NELFA: variants seen among roughly 807,000 people sequenced by gnomAD.
The protein encoded by NELFA is negative elongation factor A.
Under a neutral mutation model 51.8 loss-of-function variants are expected in NELFA, and 35 were observed. The observed-to-expected ratio is 0.68, with a 90% CI of 0.52 to 0.90. The LOEUF (loss-of-function observed/expected upper bound fraction) is 0.90, where lower values mean the gene tolerates loss of function less well. Ranked by LOEUF, NELFA falls within the 40% of genes least tolerant of loss-of-function variation. NELFA has a pLI of 0.00. For missense variants in NELFA, 658 were observed against 746.4 expected (o/e 0.88, Z 1.38); for synonymous variants, 417 against 338.4 (o/e 1.23, Z -2.55).
At chr4:1,990,260 G>A (rs1048524056) in intron 2 of NELFA, among the ~76,000 whole-genome samples, 3 of 152,080 alleles carry the variant, frequency 2.0e-5, no homozygotes, top group Non-Finnish European at 4.4e-5. Context: ...TCCCGTCCCC[G>A]AGGGTAGCCA....
intron 1 of NELFA, among the ~76,000 whole-genome samples, chr4:2,002,744 A>G (rs1338437632): frequency 6.6e-6 from 1 of 152,268 alleles, no homozygotes; most frequent in Non-Finnish European, 1.5e-5. Flanking sequence ...AAGATGCATT[A>G]AAAACTTAAA....
At chr4:1,994,848 CA>C (rs35875576) in intron 1 of NELFA, among the ~76,000 whole-genome samples, 15,240 of 81,824 alleles carry the variant, frequency 0.19, 871 homozygotes, top group Admixed American at 0.25. Flanking sequence ...GACTCCGTCT[CA>C]AAAAAAAAAA....
chr4:1,994,806 G>A (rs2109062142), intron 1 of NELFA, among the ~76,000 whole-genome samples: 1 of 148,022 alleles, frequency 6.8e-6, no homozygotes, highest in East Asian at 2.0e-4. Context: ...AGTGAGCCGA[G>A]ATTGCGTGCC....
In NELFA at chr4:1,983,231, A is replaced by T; in HGVS notation, c.*88T>A. 1 of 1,394,534 alleles carries T rather than the reference A, an allele frequency of 7.2e-7. No individual in the cohort carries two copies. The highest frequency in any genetic ancestry group is 2.4e-5 in the East Asian group (1 of 42,414). The allele number at this position is 1,394,534 out of a possible 1,614,324, so 86.4% of individuals were successfully genotyped here. On this transcript the variant is annotated 3_prime_UTR_variant, in exon 11 of 11. Coordinates refer to ENST00000382882, the MANE Select transcript of NELFA (RefSeq NM_005663.5). Reference sequence around the variant, plus strand: ...CGGCGGCCGGGGGACCTCGGGGGCCAGGTGTCCGCCATCCGGTTACTTTAA... The same window carrying T: ...CGGCGGCCGGGGGACCTCGGGGGCCTGGTGTCCGCCATCCGGTTACTTTAA...
At chr4:2,000,114 G>A (rs1450698596) in intron 1 of NELFA, among the ~76,000 whole-genome samples, 2 of 152,126 alleles carry the variant, frequency 1.3e-5, no homozygotes, top group African/African-American at 4.8e-5. Flanking sequence ...CTGGGACACA[G>A]CTAAAGCAGT....
chr4:2,008,274 C>T (rs575245553), intron 1 of NELFA, among the ~76,000 whole-genome samples: 47 of 146,164 alleles, frequency 3.2e-4, no homozygotes, highest in African/African-American at 1.0e-3. Flanking sequence ...TGGTGAGGAC[C>T]GAAGGCGGGG....
chr4:1,990,188 C>T (rs1430682351), intron 2 of NELFA: 2 of 426,488 alleles, frequency 4.7e-6, no homozygotes, highest in Non-Finnish European at 8.8e-6. Flanking sequence ...ACTTGTAGAA[C>T]ATGAAATGTT....
chr4:2,008,474 G>A (rs912601979), intron 1 of NELFA, among the ~76,000 whole-genome samples: 17 of 150,366 alleles, frequency 1.1e-4, no homozygotes, highest in African/African-American at 4.2e-4. Context: ...AGGGGGCGAG[G>A]AGGGGCGGGG....
At chr4:2,003,204 T>C (rs231193) in intron 1 of NELFA, among the ~76,000 whole-genome samples, 48,089 of 151,902 alleles carry the variant, frequency 0.32, 8,021 homozygotes, top group African/African-American at 0.42. Flanking sequence ...GTCAGAAGGG[T>C]GATTACTAAA....
rs1420161239 is a variant in NELFA, at chr4:1,983,880, G to A, written c.1270C>T (p.Gln424Ter). 1 of 1,590,170 alleles carries A rather than the reference G, an allele frequency of 6.3e-7. No individual in the cohort carries two copies. ...MVAPQTQAPA[Q>*]QQPKKNLSLT... ...GACAGGTTCTTCTTAGGCTGCTGCT[G>A]AGCAGGGGCCTGGGTCTGCGGGGCC... Residue 424 changes from glutamine to a stop codon, truncating the protein, a stop_gained, in exon 9 of 11, where the codon CAG becomes TAG. Coordinates refer to ENST00000382882, the MANE Select transcript of NELFA (RefSeq NM_005663.5). LOFTEE classifies it high-confidence loss of function.
At chr4:2,004,172 AAAAG>A (rs1402488634) in intron 1 of NELFA, 1 of 152,162 alleles carries the variant, frequency 6.6e-6, no homozygotes, top group Non-Finnish European at 1.5e-5. Context: ...AAAAGAAAAA[AAAAG>A]AAGAAGAAGA....
chr4:1,991,629 G>A lies in NELFA; in HGVS notation c.297C>T (p.Ser99=), dbSNP rs1728271462. The stretch of plus-strand genomic sequence containing the variant: ...GGTTAAGCGAGCCTGTGTCCGGAAA[G>A]GACTTCAAGATGTCGGCGACCATGA... ...WVLMVADILK[S]FPDTGSLNLE... Residue 99 remains serine, a synonymous_variant, in exon 2 of 11, where the codon TCC becomes TCT. Transcript: ENST00000382882. 2.5e-6 allele frequency: 4 copies of A among 1,613,962 alleles called. No individual in the cohort carries two copies. The highest frequency in any genetic ancestry group is 3.4e-6 in the Non-Finnish European group (4 of 1,179,984).
At chr4:2,006,768 CAAAAAAAAA>C (rs57055347) in intron 1 of NELFA, among the ~76,000 whole-genome samples, 9 of 79,756 alleles carry the variant, frequency 1.1e-4, no homozygotes, top group African/African-American at 4.6e-4. Context: ...GACGCTGTCT[CAAAAAAAAA>C]AAAAAAAAAA....
chr4:2,000,493 C>T (rs895911806), intron 1 of NELFA, among the ~76,000 whole-genome samples: 18 of 152,214 alleles, frequency 1.2e-4, no homozygotes, highest in Admixed American at 5.2e-4. Context: ...CACAGAAATA[C>T]AAACTACCAT....
In NELFA at chr4:1,984,908, G is replaced by A. The variant is rs1238737005; in HGVS notation, c.936C>T (p.Ser312=). The A allele has an allele frequency of 1.3e-6, 2 of 1,573,278 alleles. No homozygotes were observed. The highest frequency in any genetic ancestry group is 1.7e-6 in the Non-Finnish European group (2 of 1,158,354). Residue 312 remains serine, a synonymous_variant, in exon 8 of 11, where the codon TCC becomes TCT. Coordinates refer to ENST00000382882, the MANE Select transcript of NELFA (RefSeq NM_005663.5). ...AGLVSTQKLG[S]LNNEPALPST... ...AGGGCAGCGCAGGCTCATTGTTCAGGGACCCAAGTTTCTGGAACACAGAGT... is the reference window on the plus strand; with the variant it reads ...AGGGCAGCGCAGGCTCATTGTTCAGAGACCCAAGTTTCTGGAACACAGAGT...
intron 1 of NELFA, among the ~76,000 whole-genome samples, chr4:2,006,056 T>C (rs768579190): frequency 4.6e-5 from 7 of 152,132 alleles, no homozygotes; most frequent in Admixed American, 6.5e-5. Context: ...CGGAGAAAGA[T>C]ACAGTGGGAG....
In NELFA at chr4:1,984,866, G is replaced by A. The variant is rs144419708; in HGVS notation, c.978C>T (p.Pro326=). 3.2e-6 allele frequency: 5 copies of A among 1,581,676 alleles called. No individual in the cohort carries two copies. In the African/African-American group the frequency reaches 5.4e-5, roughly 17 times the overall value. The change falls in exon 8 of 11, where the codon CCC becomes CCT. Residue 326 remains proline, a synonymous_variant. Coordinates refer to ENST00000382882, the MANE Select transcript of NELFA (RefSeq NM_005663.5). Reference sequence around the variant, plus strand: ...AGGCGGGAACCACGCTGGGCGTGGAGGGAAGGTAGCTCGTGGAGGGCAGCG... The same window carrying A: ...AGGCGGGAACCACGCTGGGCGTGGAAGGAAGGTAGCTCGTGGAGGGCAGCG... The part of the protein sequence containing the change: ...EPALPSTSYL[P]STPSVVPASS...
Position 1,982,763 on chromosome 4 carries a change from TACAA to T in NELFA, c.*552_*555del, listed in dbSNP as rs1727923118. 1 of 152,148 alleles carries T rather than the reference TACAA, an allele frequency of 6.6e-6. No individual in the cohort carries two copies. The highest frequency in any genetic ancestry group is 1.5e-5 in the Non-Finnish European group (1 of 67,890). 9.4% of individuals were successfully genotyped at this position (152,148 alleles called of 1,614,324 possible). The stretch of plus-strand genomic sequence containing the variant: ...TCGACTTTAATGGTTCAGATAGTTT[TACAA>T]TGAAAATAGGTACCCAAAGACTGTC... On this transcript the variant is annotated 3_prime_UTR_variant, in exon 11 of 11. Coordinates refer to ENST00000382882, the MANE Select transcript of NELFA (RefSeq NM_005663.5).
chr4:1,988,451 G>A (rs1009917352), intron 3 of NELFA, among the ~76,000 whole-genome samples: 2 of 152,230 alleles, frequency 1.3e-5, no homozygotes, highest in Non-Finnish European at 2.9e-5. Flanking sequence ...AGGGGACACC[G>A]AGTGCCCAAA....
Sources: allele counts gnomAD v4.1 joint callset (sites outside exome capture counted in the v4.1 genomes callset), GRCh38; gene constraint gnomAD v4.1.1; transcripts MANE v1.5; gene names NCBI Gene and HGNC (gene_info 2026-07-23, HGNC 2026-07-21).